The following SLC5A10 variants were observed in gnomAD, a reference collection of about 807,000 sequenced individuals.
The protein encoded by SLC5A10 is solute carrier family 5 member 10.
A neutral mutation model predicts 68.9 loss-of-function variants in SLC5A10; 55 were observed. The ratio of observed to expected loss-of-function variants is 0.80; its 90% confidence interval spans 0.64 to 1.00. The LOEUF is 1.00. Among genes scored for constraint, SLC5A10 ranks in the 50% least tolerant of loss-of-function variants. The pLI, the probability that SLC5A10 is intolerant of heterozygous loss-of-function variation, is 0.00. For missense variants in SLC5A10, 732 were observed against 819.3 expected, an observed-to-expected ratio of 0.89 and a Z score of 1.30; for synonymous variants, 344 against 344.8, an observed-to-expected ratio of 1.00 and a Z score of 0.02.
upstream of SLC5A10, chr17:18,950,760 G>A (rs931384988): frequency 8.6e-6 from 8 of 926,638 alleles, no homozygotes; most frequent in African/African-American, 1.4e-4. Flanking sequence ...CTGTTGCCCA[G>A]GCTGGACTGC....
At chr17:19,011,357 G>A (rs11654290) in intron 9 of SLC5A10, among the ~76,000 whole-genome samples, 14,947 of 152,224 alleles carry the variant, frequency 0.098, 993 homozygotes, top group Non-Finnish European at 0.16. Flanking sequence ...GTCTGCAAAG[G>A]CATGGAGGCG....
chr17:18,959,298 C>G, intron 3 of SLC5A10, 59 bp downstream of exon 3: 1 of 1,545,924 alleles, frequency 6.5e-7, no homozygotes, highest in Non-Finnish European at 8.9e-7. Flanking sequence ...GTGGTCGCAG[C>G]ACTGGAGGGG....
rs1271050660 is a variant in SLC5A10, at chr17:19,003,704, G to C, written c.983-9706G>C. 6.2e-7 allele frequency: 1 copy of C among 1,606,446 alleles called. No homozygotes were observed. On this transcript the variant is annotated intron_variant, in intron 9 of 14. Coordinates refer to ENST00000395645, the MANE Select transcript of SLC5A10 (RefSeq NM_001042450.4). This position sits in a 1 kb window ranked among gnomAD's most constrained non-coding sequence, Gnocchi z 4.5. ...GGGCCAGTACTCCAGGGAGGGCAGCGGCTCGGCCTCGATGGGGACCCCATC... is the reference window on the plus strand; with the variant it reads ...GGGCCAGTACTCCAGGGAGGGCAGCCGCTCGGCCTCGATGGGGACCCCATC...
intron 9 of SLC5A10, among the ~76,000 whole-genome samples, chr17:19,009,851 A>G (rs1373357884): frequency 6.6e-6 from 1 of 152,152 alleles, no homozygotes; most frequent in Non-Finnish European, 1.5e-5. Context: ...ATAGCCCCAA[A>G]GCCTGAAGGG....
chr17:18,974,143 G>A (rs2042925551), intron 8 of SLC5A10, among the ~76,000 whole-genome samples: 1 of 151,600 alleles, frequency 6.6e-6, no homozygotes, highest in Non-Finnish European at 1.5e-5. Context: ...CGCCCACCTA[G>A]GCCTCCCAAA....
intron 9 of SLC5A10, chr17:18,979,096 C>A (rs895134272): frequency 8.7e-6 from 5 of 574,308 alleles, no homozygotes; most frequent in Non-Finnish European, 1.6e-5. Context: ...CAGGCTGGTA[C>A]AGGATTCACT....
chr17:18,988,754 G>A (rs564138267), intron 9 of SLC5A10, among the ~76,000 whole-genome samples: 30 of 152,240 alleles, frequency 2.0e-4, no homozygotes, highest in Admixed American at 1.3e-3. Context: ...CTGGCGTGGC[G>A]GCTCGCTGGG....
chr17:18,984,578 C>T (rs971959147), intron 9 of SLC5A10, among the ~76,000 whole-genome samples: 12 of 152,230 alleles, frequency 7.9e-5, no homozygotes, highest in Admixed American at 4.6e-4. Flanking sequence ...AAACGGGAAA[C>T]GGGTCTGGCC....
At chr17:18,975,410 C>T (rs560787945) in intron 8 of SLC5A10, among the ~76,000 whole-genome samples, 1 of 152,220 alleles carries the variant, frequency 6.6e-6, no homozygotes, top group Non-Finnish European at 1.5e-5. Flanking sequence ...ACGGAGGCAG[C>T]CGGATGCGGT....
Position 18,968,937 on chromosome 17 carries a change from C to A in SLC5A10, c.454-115C>A. 1.1e-6 allele frequency: 1 copy of A among 882,146 alleles called. No individual in the cohort carries two copies. Among genetic ancestry groups the A allele is most frequent in the Non-Finnish European group, 1.7e-6 (1 of 593,950 alleles). The allele number at this position is 882,146 out of a possible 1,614,324, so 54.6% of individuals were successfully genotyped here. On this transcript the variant is annotated intron_variant, in intron 5 of 14. Coordinates refer to ENST00000395645, the MANE Select transcript of SLC5A10 (RefSeq NM_001042450.4). This position sits in a 1 kb window ranked among gnomAD's most constrained non-coding sequence, Gnocchi z 4.1. Reference sequence around the variant, plus strand: ...GCAGGCAGGCGAGTGGGGGTCTCCCCTCCTTATCCACAGGCCACCGAGGCC... The same window carrying A: ...GCAGGCAGGCGAGTGGGGGTCTCCCATCCTTATCCACAGGCCACCGAGGCC...
rs572735490 is a variant in SLC5A10, at chr17:18,968,136, G to A, written c.454-916G>A. Among the ~76,000 whole-genome samples the A allele has an allele frequency of 1.3e-5, 2 of 152,188 alleles. No individual in the cohort carries two copies. The highest frequency in any genetic ancestry group is 2.1e-4 in the South Asian group (1 of 4,816). The stretch of plus-strand genomic sequence containing the variant: ...TCCCTGCCTGGGGGAGCTCAAAGGG[G>A]CCTGGGGCCTGCACTTCCTGGGCCT... On this transcript the variant is annotated intron_variant, in intron 5 of 14. Coordinates refer to ENST00000395645, the MANE Select transcript of SLC5A10 (RefSeq NM_001042450.4). This position sits in a 1 kb window ranked among gnomAD's most constrained non-coding sequence, Gnocchi z 4.1.
rs779358027 is a variant in SLC5A10, at chr17:19,013,350, T to C, written c.983-60T>C. 3 of 1,595,316 alleles carry C rather than the reference T, an allele frequency of 1.9e-6. No homozygotes were observed. The Admixed American group carries it at 5.2e-5, about 28-fold the overall frequency. On this transcript the variant is annotated intron_variant, in intron 9 of 14. Transcript: ENST00000395645. The stretch of plus-strand genomic sequence containing the variant: ...CAGGCTCCTGCCCCCAGCCCTATCT[T>C]GCCCACCCCAGGTGCTCATGTCTAT...
chr17:18,981,351 G>C (rs771986731), intron 9 of SLC5A10, among the ~76,000 whole-genome samples: 3 of 152,140 alleles, frequency 2.0e-5, no homozygotes, highest in Non-Finnish European at 2.9e-5. Context: ...CCTGCAGAGC[G>C]AGCAGGGGCG....
Position 18,968,650 on chromosome 17 carries a change from G to T in SLC5A10, c.454-402G>T. On this transcript the variant is annotated intron_variant, in intron 5 of 14. Coordinates refer to ENST00000395645, the MANE Select transcript of SLC5A10 (RefSeq NM_001042450.4). The surrounding 1 kb of genome is among the most constrained non-coding windows in gnomAD (Gnocchi z 4.1). Reference sequence around the variant, plus strand: ...CACTTTTCCTGAGGCCTACTGGTCCGCCCAGCACACACTTTTCCTGAGGCC... The same window carrying T: ...CACTTTTCCTGAGGCCTACTGGTCCTCCCAGCACACACTTTTCCTGAGGCC... 1 of 166,760 alleles carries T rather than the reference G, an allele frequency of 6.0e-6. No individual in the cohort carries two copies. The highest frequency in any genetic ancestry group is 1.2e-5 in the Non-Finnish European group (1 of 86,680). The allele number at this position is 166,760 out of a possible 1,614,324, so 10.3% of individuals were successfully genotyped here.
At chr17:19,009,053 T>A (rs1194409716) in intron 9 of SLC5A10, among the ~76,000 whole-genome samples, 1 of 151,888 alleles carries the variant, frequency 6.6e-6, no homozygotes, top group East Asian at 1.9e-4. Context: ...CCTCAAGTGA[T>A]TCATCCACCT....
chr17:19,016,402 C>T (rs910996447), intron 11 of SLC5A10, among the ~76,000 whole-genome samples: 10 of 152,148 alleles, frequency 6.6e-5, no homozygotes, highest in African/African-American at 2.4e-4. Flanking sequence ...TGTCTATTTG[C>T]GCCCTCCCTG....
At position 19,017,159 on chromosome 17, in the gene SLC5A10, G is replaced by A. The variant is rs1027580571; in HGVS notation, c.1241+1960G>A. The A allele has an allele frequency of 3.8e-6, 3 of 789,134 alleles. No homozygotes were observed. The highest frequency in any genetic ancestry group is 2.7e-5 in the East Asian group (1 of 37,026). 48.9% of individuals were successfully genotyped at this position (789,134 alleles called of 1,614,324 possible). On this transcript the variant is annotated intron_variant, in intron 11 of 14. Transcript: ENST00000395645. The surrounding 1 kb of genome is among the most constrained non-coding windows in gnomAD (Gnocchi z 5.6). ...CCTGAGGAGCAAGGCACAAGGCTGC[G>A]TGGTGCAGGGCAGGTTGCTCACCCT...
In SLC5A10 at chr17:19,000,055, C is replaced by T. The variant is rs945018230; in HGVS notation, c.983-13355C>T. ...GCCTCACGCCTTCTCAGGCTGCAGC[C>T]AAGTGAGGCCGGGGCTCGCCCCTCC... On this transcript the variant is annotated intron_variant, in intron 9 of 14. Transcript: ENST00000395645. This position sits in a 1 kb window ranked among gnomAD's most constrained non-coding sequence, Gnocchi z 5.2. Among the ~76,000 whole-genome samples, 1 of 152,236 alleles carries T rather than the reference C, an allele frequency of 6.6e-6. No individual in the cohort carries two copies. The highest frequency in any genetic ancestry group is 1.5e-5 in the Non-Finnish European group (1 of 68,042).
chr17:18,993,196 C>T (rs1302302355), intron 9 of SLC5A10, among the ~76,000 whole-genome samples: 1 of 152,142 alleles, frequency 6.6e-6, no homozygotes, highest in Non-Finnish European at 1.5e-5. Flanking sequence ...GCTTCCTGAT[C>T]CCTCTCCCCG....
Sources: gnomAD v4.1 joint callset for allele counts (sites outside exome capture counted in the v4.1 genomes callset) on GRCh38, gnomAD v4.1.1 for gene constraint, Gnocchi (gnomAD v3.1) non-coding constraint, MANE v1.5 for transcripts, NCBI Gene and HGNC (gene_info 2026-07-23, HGNC 2026-07-21) for gene names.